The following HS3ST5 variants were observed in gnomAD, a reference collection of about 807,000 sequenced individuals.
HS3ST5 encodes the protein heparan sulfate glucosamine 3-O-sulfotransferase 5.
A neutral mutation model predicts 25.4 loss-of-function variants in HS3ST5; 10 were observed. That is an observed-to-expected ratio of 0.39 (90% CI 0.24 to 0.67). HS3ST5 has a LOEUF of 0.67. Among genes scored for constraint, HS3ST5 ranks in the 30% least tolerant of loss-of-function variants. The probability of loss-of-function intolerance (pLI) is 0.44; values close to 1 mark genes in which losing one functional copy is unlikely to be tolerated. For missense variants in HS3ST5, 324 were observed against 420.7 expected (o/e 0.77, Z 2.01); for synonymous variants, 170 against 162.4 (o/e 1.05, Z -0.36).
At chr6:114,285,722 G>A (rs1562264034) in intron 1 of HS3ST5, among the ~76,000 whole-genome samples, 1 of 151,920 alleles carries the variant, frequency 6.6e-6, no homozygotes, top group Non-Finnish European at 1.5e-5. Context: ...TATGCATGGA[G>A]GGCTTAATAC....
chr6:114,225,082 G>A (rs1782229987), intron 2 of HS3ST5, among the ~76,000 whole-genome samples: 1 of 151,646 alleles, frequency 6.6e-6, no homozygotes, highest in African/African-American at 2.4e-5. Flanking sequence ...GTACCATAAG[G>A]GATGGTGAAT....
chr6:114,065,455 C>G (rs1773395937), intron 3 of HS3ST5, among the ~76,000 whole-genome samples: 1 of 152,144 alleles, frequency 6.6e-6, no homozygotes, highest in Non-Finnish European at 1.5e-5. Context: ...GTTCAAGTCC[C>G]CCAATTAAAT....
chr6:114,081,464 A>G (rs1181413424), intron 3 of HS3ST5, among the ~76,000 whole-genome samples: 1 of 152,228 alleles, frequency 6.6e-6, no homozygotes, highest in African/African-American at 2.4e-5. Flanking sequence ...AAAAGTACAG[A>G]ACTTAGAAGA....
intron 1 of HS3ST5, among the ~76,000 whole-genome samples, chr6:114,335,888 G>C (rs192852520): frequency 0.011 from 1,616 of 152,056 alleles, 16 homozygotes; most frequent in Non-Finnish European, 0.017. Flanking sequence ...TCTTGACCTT[G>C]TGATCTACCC....
In HS3ST5 at chr6:114,156,453, T is replaced by TA. The variant is rs552293108; in HGVS notation, c.-33+11897dup. On this transcript the variant is annotated intron_variant, in intron 3 of 4. Coordinates refer to ENST00000312719, the MANE Select transcript of HS3ST5 (RefSeq NM_153612.4). Reference sequence around the variant, plus strand: ...TGTATTTTGTAGTTGTGCTTAAGTTTAAAAATATGTATTTAACAGACAACG... The same window carrying TA: ...TGTATTTTGTAGTTGTGCTTAAGTTTAAAAAATATGTATTTAACAGACAACG... Among the ~76,000 whole-genome samples the TA allele has an allele frequency of 6.1e-4, 93 of 152,322 alleles. 1 individual carries two copies. In the South Asian group the frequency reaches 0.019, roughly 31 times the overall value.
chr6:114,251,756 T>C (rs1772673363), intron 1 of HS3ST5: 1 of 152,360 alleles, frequency 6.6e-6, no homozygotes, highest in East Asian at 1.9e-4. Context: ...GATGGTTATA[T>C]TGTGACAATA....
chr6:114,122,580 T>C (rs752670923), intron 3 of HS3ST5, among the ~76,000 whole-genome samples: 14 of 152,196 alleles, frequency 9.2e-5, no homozygotes, highest in Non-Finnish European at 1.6e-4. Flanking sequence ...TGATTTTCCC[T>C]CTTACATTCA....
In HS3ST5 at chr6:114,081,879, C is replaced by A. The variant is rs1190032626; in HGVS notation, c.-32-19002G>T. Among the ~76,000 whole-genome samples the A allele has an allele frequency of 2.0e-5, 3 of 152,274 alleles. No homozygotes were observed. The East Asian group carries it at 5.8e-4, about 29-fold the overall frequency. On this transcript the variant is annotated intron_variant, in intron 3 of 4. Transcript: ENST00000312719. ...GCTTTATTGAGATATAATTCACATG[C>A]AACTCACCTATTTAAAAGTGTACCT...
chr6:114,311,123 A>AT (rs1372663091), intron 1 of HS3ST5, among the ~76,000 whole-genome samples: 9 of 152,318 alleles, frequency 5.9e-5, no homozygotes, highest in East Asian at 3.9e-4. Flanking sequence ...ACTGTTAATA[A>AT]TGACAAAAAT....
At position 114,342,477 on chromosome 6, in the gene HS3ST5, G is replaced by C. The variant is rs916811342; in HGVS notation, c.-621C>G. 5.0e-5 allele frequency: 9 copies of C among 180,570 alleles called. No homozygotes were observed. The highest frequency in any genetic ancestry group is 2.2e-4 in the African/African-American group (9 of 41,782). 11.2% of individuals were successfully genotyped at this position (180,570 alleles called of 1,614,324 possible). On this transcript the variant is annotated 5_prime_UTR_variant, in exon 1 of 5. Coordinates refer to ENST00000312719, the MANE Select transcript of HS3ST5 (RefSeq NM_153612.4). ...TCTGAGGCGGGGAGCCGGGCGGGGGGGCAGGCGGGCGAGAAGTAGTGGAGT... is the reference window on the plus strand; with the variant it reads ...TCTGAGGCGGGGAGCCGGGCGGGGGCGCAGGCGGGCGAGAAGTAGTGGAGT...
intron 3 of HS3ST5, among the ~76,000 whole-genome samples, chr6:114,118,745 C>T (rs924128069): frequency 3.9e-5 from 6 of 152,102 alleles, no homozygotes; most frequent in Non-Finnish European, 2.9e-5. Flanking sequence ...AGTATTTCTC[C>T]ATCCCCTTTA....
At chr6:114,236,059 C>G (rs897711690) in intron 1 of HS3ST5, among the ~76,000 whole-genome samples, 1 of 152,170 alleles carries the variant, frequency 6.6e-6, no homozygotes, top group Non-Finnish European at 1.5e-5. Context: ...CATCTGTACC[C>G]TAAACTGTGG....
At position 114,280,949 on chromosome 6, in the gene HS3ST5, T is replaced by A. The variant is rs143496609; in HGVS notation, c.-338-52171A>T. Among the ~76,000 whole-genome samples, 458 of 152,178 alleles carry A rather than the reference T, an allele frequency of 3.0e-3. 2 individuals carry two copies. The highest frequency in any genetic ancestry group is 5.7e-3 in the Non-Finnish European group (385 of 67,946). On this transcript the variant is annotated intron_variant, in intron 1 of 4. Coordinates refer to ENST00000312719, the MANE Select transcript of HS3ST5 (RefSeq NM_153612.4). Reference sequence around the variant, plus strand: ...GGTACCTTTTGAGGGCACACACTTCTGCTTCTTTAACATAAGATAGTAGCC... The same window carrying A: ...GGTACCTTTTGAGGGCACACACTTCAGCTTCTTTAACATAAGATAGTAGCC...
At chr6:114,330,454 T>C (rs192357656) in intron 1 of HS3ST5, among the ~76,000 whole-genome samples, 83 of 152,318 alleles carry the variant, frequency 5.4e-4, no homozygotes, top group Non-Finnish European at 9.6e-4. Flanking sequence ...TCATGTTTCC[T>C]GCTACCCACT....
At chr6:114,302,812 G>A (rs961945816) in intron 1 of HS3ST5, among the ~76,000 whole-genome samples, 7 of 151,990 alleles carry the variant, frequency 4.6e-5, no homozygotes, top group Non-Finnish European at 8.8e-5. Flanking sequence ...AATATATTAT[G>A]ACAATCCTTT....
At chr6:114,069,087 G>T (rs936593939) in intron 3 of HS3ST5, among the ~76,000 whole-genome samples, 5 of 152,168 alleles carry the variant, frequency 3.3e-5, no homozygotes, top group African/African-American at 1.2e-4. Context: ...CTGCTCAAAG[G>T]CTTGTAGACA....
chr6:114,140,705 T>C (rs890873181), intron 3 of HS3ST5, among the ~76,000 whole-genome samples: 1 of 152,160 alleles, frequency 6.6e-6, no homozygotes, highest in Non-Finnish European at 1.5e-5. Flanking sequence ...GCACGAGGAA[T>C]GCAGAGAGGG....
At chr6:114,259,605 AG>A in intron 1 of HS3ST5, among the ~76,000 whole-genome samples, 1 of 152,376 alleles carries the variant, frequency 6.6e-6, no homozygotes, top group East Asian at 1.9e-4. Context: ...GTTGTTTTAT[AG>A]AGATAACACT....
At chr6:114,179,260 G>A (rs943375246) in intron 2 of HS3ST5, 1 of 152,178 alleles carries the variant, frequency 6.6e-6, no homozygotes, top group Non-Finnish European at 1.5e-5. Context: ...ATTATTTGGG[G>A]TATGAATAAA....
Sources: allele counts gnomAD v4.1 joint callset (sites outside exome capture counted in the v4.1 genomes callset), GRCh38; gene constraint gnomAD v4.1.1; transcripts MANE v1.5; gene names NCBI Gene and HGNC (gene_info 2026-07-23, HGNC 2026-07-21).